The following PCDHGA2 variants were observed in gnomAD, a reference collection of about 807,000 sequenced individuals.
PCDHGA2 encodes the protein protocadherin gamma-A2.
Under a neutral mutation model 59.2 loss-of-function variants are expected in PCDHGA2, and 40 were observed. That is an observed-to-expected ratio of 0.68 (90% CI 0.52 to 0.88). The LOEUF (loss-of-function observed/expected upper bound fraction) is 0.88. PCDHGA2 is among the 40% of genes least tolerant of loss of function. PCDHGA2 has a pLI of 0.00. For missense variants in PCDHGA2, 1,226 were observed against 1,204.0 expected (o/e 1.02, Z -0.27); for synonymous variants, 560 against 526.0 (o/e 1.06, Z -0.89).
chr5:141,347,126 CCTCTG>C (rs1757878561), intron 1 of PCDHGA2, among the ~76,000 whole-genome samples: 11 of 60,650 alleles, frequency 1.8e-4, no homozygotes, highest in African/African-American at 5.1e-4. Context: ...TTCCTTCCTT[CCTCTG>C]TTTCTCTCTT....
intron 1 of PCDHGA2, among the ~76,000 whole-genome samples, chr5:141,343,603 T>A (rs915852383): frequency 2.0e-5 from 3 of 152,180 alleles, no homozygotes; most frequent in African/African-American, 7.2e-5. Flanking sequence ...GGCATTAAGG[T>A]TAGTGCATGG....
chr5:141,384,614 C>T, intron 1 of PCDHGA2: 1 of 1,614,222 alleles, frequency 6.2e-7, no homozygotes, highest in Non-Finnish European at 8.5e-7. Context: ...ACAGATGGTT[C>T]TACTGGCATG....
chr5:141,372,334 G>C (rs757971401), intron 1 of PCDHGA2: 1 of 1,613,648 alleles, frequency 6.2e-7, no homozygotes, highest in African/African-American at 1.3e-5. Context: ...GTCACTGTGC[G>C]TGATGGAGGA....
rs554845172 is a variant in PCDHGA2 at position 141,485,584 on chromosome 5, G to A, written c.2425-9223G>A. Reference sequence around the variant, plus strand: ...ACGCCCCCCGTTTTCCGCGGCAGCAGCTGGACTTGGAAATTGGGGAGGCAG... The same window carrying A: ...ACGCCCCCCGTTTTCCGCGGCAGCAACTGGACTTGGAAATTGGGGAGGCAG... On this transcript the variant is annotated intron_variant, in intron 1 of 3. Transcript: ENST00000394576. The surrounding 1 kb of genome is among the most constrained non-coding windows in gnomAD (Gnocchi z 5.7). The A allele has an allele frequency of 2.9e-5, 46 of 1,612,498 alleles. 1 individual carries two copies. The South Asian group carries it at 4.5e-4, about 16-fold the overall frequency.
chr5:141,363,028 C>A (rs1346880305), intron 1 of PCDHGA2, among the ~76,000 whole-genome samples: 1 of 152,190 alleles, frequency 6.6e-6, no homozygotes, highest in African/African-American at 2.4e-5. Flanking sequence ...GGACATTGTC[C>A]CATTGACTTG....
chr5:141,401,215 G>A (rs371927686), intron 1 of PCDHGA2, among the ~76,000 whole-genome samples: 9 of 152,158 alleles, frequency 5.9e-5, no homozygotes, highest in African/African-American at 9.6e-5. Context: ...GGTGGCGGGC[G>A]CCTGTAATCC....
intron 1 of PCDHGA2, chr5:141,351,053 G>A: frequency 2.5e-6 from 4 of 1,614,060 alleles, no homozygotes; most frequent in Non-Finnish European, 3.4e-6. Context: ...GATGGCCACA[G>A]ACCAGGATGA....
chr5:141,380,299 C>G (rs1776363020), intron 1 of PCDHGA2, among the ~76,000 whole-genome samples: 2 of 152,210 alleles, frequency 1.3e-5, no homozygotes, highest in Middle Eastern at 3.4e-3. Flanking sequence ...ATACCTATAT[C>G]TTTGCTTGAG....
In PCDHGA2 at chr5:141,385,275, A is replaced by G. The variant is rs115152670; in HGVS notation, c.2424+43880A>G. The G allele has an allele frequency of 1.9e-3, 3,011 of 1,613,598 alleles. 48 individuals carry two copies. In the African/African-American group the frequency reaches 0.033, roughly 18 times the overall value. On this transcript the variant is annotated intron_variant, in intron 1 of 3. Coordinates refer to ENST00000394576, the MANE Select transcript of PCDHGA2 (RefSeq NM_018915.4). ...GCTGTGAGAAAAATGATTCTTTGCTAACATCCGTAGATTTTCAGGAATGTA... is the reference window on the plus strand; with the variant it reads ...GCTGTGAGAAAAATGATTCTTTGCTGACATCCGTAGATTTTCAGGAATGTA...
chr5:141,428,057 G>T, intron 1 of PCDHGA2: 1 of 1,609,044 alleles, frequency 6.2e-7, no homozygotes, highest in Non-Finnish European at 8.5e-7. Flanking sequence ...AGGTGGTGGC[G>T]GTGGACGCAG....
chr5:141,423,299 C>T (rs1225422770), intron 1 of PCDHGA2: 2 of 1,614,128 alleles, frequency 1.2e-6, no homozygotes, highest in Non-Finnish European at 1.7e-6. Context: ...TCAGACCTCT[C>T]GCTGTACTTG....
chr5:141,496,234 T>C (rs2154591884), intron 2 of PCDHGA2, among the ~76,000 whole-genome samples: 1 of 152,232 alleles, frequency 6.6e-6, no homozygotes, highest in Middle Eastern at 3.4e-3. Context: ...AGGAACCCCC[T>C]GCGGGCTGAA....
At chr5:141,365,469 G>A in intron 1 of PCDHGA2, 2 of 1,614,010 alleles carry the variant, frequency 1.2e-6, no homozygotes, top group Non-Finnish European at 1.7e-6. Flanking sequence ...GGAGAAAATG[G>A]TGAGATTGCA....
chr5:141,383,890 G>A lies in PCDHGA2; in HGVS notation c.2424+42495G>A, dbSNP rs1274384804. 3.1e-6 allele frequency: 5 copies of A among 1,613,936 alleles called. No individual in the cohort carries two copies. Among genetic ancestry groups the A allele is most frequent in the Non-Finnish European group, 4.2e-6 (5 of 1,179,896 alleles). On this transcript the variant is annotated intron_variant, in intron 1 of 3. Transcript: ENST00000394576. The stretch of plus-strand genomic sequence containing the variant: ...AGATGGTCCTGGTAGTCTGACAAAG[G>A]CAAAAGTACTGATCACAGTTTTAGA...
chr5:141,459,886 G>A (rs932435611), intron 1 of PCDHGA2, among the ~76,000 whole-genome samples: 2 of 152,080 alleles, frequency 1.3e-5, no homozygotes, highest in Non-Finnish European at 2.9e-5. Context: ...TGAGCTGAAC[G>A]CCTTCTTAAA....
chr5:141,408,869 A>T, intron 1 of PCDHGA2: 1 of 1,613,690 alleles, frequency 6.2e-7, no homozygotes, highest in Non-Finnish European at 8.5e-7. Flanking sequence ...CCCACCAAGA[A>T]GTGCCACCGC....
chr5:141,506,444 CAAAAAAAAAAAAA>C (rs1219684339), intron 3 of PCDHGA2, among the ~76,000 whole-genome samples: 1 of 95,030 alleles, frequency 1.1e-5, no homozygotes, highest in Non-Finnish European at 2.2e-5. Context: ...CGCTCTGTCT[CAAAAAAAAAAAAA>C]AAAAAAAAGA....
intron 1 of PCDHGA2, among the ~76,000 whole-genome samples, chr5:141,456,059 G>A (rs1200043527): frequency 1.3e-5 from 2 of 151,662 alleles, no homozygotes; most frequent in Non-Finnish European, 1.5e-5. Flanking sequence ...CACCACGTCC[G>A]GCTAATTTTT....
intron 1 of PCDHGA2, chr5:141,351,427 A>G: frequency 6.2e-7 from 1 of 1,611,398 alleles, no homozygotes; most frequent in Non-Finnish European, 8.5e-7. Context: ...TTCCTTTCAA[A>G]TTAGAATCCA....
Sources: allele counts gnomAD v4.1 joint callset (sites outside exome capture counted in the v4.1 genomes callset), GRCh38; gene constraint gnomAD v4.1.1; non-coding constraint Gnocchi (gnomAD v3.1); transcripts MANE v1.5; gene names NCBI Gene and HGNC (gene_info 2026-07-23, HGNC 2026-07-21).